Variants in GPM6A observed in about 807,000 individuals in gnomAD.
The protein encoded by GPM6A is neuronal membrane glycoprotein M6-a.
A neutral mutation model predicts 32.1 loss-of-function variants in GPM6A; 7 were observed. The ratio of observed to expected loss-of-function variants is 0.22; its 90% CI spans 0.12 to 0.41. The LOEUF (loss-of-function observed/expected upper bound fraction) is 0.41, where lower values mean the gene tolerates loss of function less well. Among genes scored for constraint, GPM6A ranks in the 10% least tolerant of loss-of-function variants. The probability of loss-of-function intolerance (pLI) is 1.00; values close to 1 mark genes in which losing one functional copy is unlikely to be tolerated. For missense variants in GPM6A, 235 were observed against 347.2 expected, an observed-to-expected ratio of 0.68 and a Z score of 2.57; for synonymous variants, 130 against 123.4, an observed-to-expected ratio of 1.05 and a Z score of -0.35.
At chr4:175,845,069 C>T (rs1294830535) in intron 1 of GPM6A, among the ~76,000 whole-genome samples, 1 of 152,000 alleles carries the variant, frequency 6.6e-6, no homozygotes, top group Non-Finnish European at 1.5e-5. Flanking sequence ...TTAATAATTC[C>T]ATTTTCTTGA....
chr4:175,749,819 G>A (rs920142108), intron 1 of GPM6A, among the ~76,000 whole-genome samples: 3 of 152,108 alleles, frequency 2.0e-5, no homozygotes. Flanking sequence ...ACTATTTTAT[G>A]ACAACTTCCC....
At chr4:175,868,535 T>C (rs1028914227) in intron 1 of GPM6A, among the ~76,000 whole-genome samples, 1 of 152,230 alleles carries the variant, frequency 6.6e-6, no homozygotes, top group Admixed American at 6.5e-5. Context: ...TTTCATTCAA[T>C]TTCAAATTGT....
rs140881554 is a variant in GPM6A at position 175,860,560 on chromosome 4, A to T, written c.-22-48311T>A. On this transcript the variant is annotated intron_variant, in intron 1 of 7. Transcript: ENST00000280187. ...AGAAATTGAATCCATAATTTAAAAT[A>T]TTCCAAAAGCAAAGATGAGAGGGAA... Among the ~76,000 whole-genome samples, 736 of 152,318 alleles carry T rather than the reference A, an allele frequency of 4.8e-3. 7 individuals carry two copies. Among genetic ancestry groups the T allele is most frequent in the African/African-American group, 0.017 (705 of 41,584 alleles).
chr4:175,902,842 G>A (rs550491096), intron 1 of GPM6A, among the ~76,000 whole-genome samples: 4 of 152,066 alleles, frequency 2.6e-5, no homozygotes, highest in African/African-American at 9.6e-5. Context: ...GTTTTCCGTG[G>A]CAATGGGAAA....
chr4:175,638,714 A>G (rs1245251647), intron 6 of GPM6A, among the ~76,000 whole-genome samples: 4 of 152,158 alleles, frequency 2.6e-5, no homozygotes, highest in Non-Finnish European at 4.4e-5. Flanking sequence ...ACTTTTTAAA[A>G]GATACCTTCA....
At chr4:175,729,574 T>C (rs1731324072) in intron 1 of GPM6A, among the ~76,000 whole-genome samples, 1 of 151,964 alleles carries the variant, frequency 6.6e-6, no homozygotes, top group South Asian at 2.1e-4. Flanking sequence ...CATTGTTCAT[T>C]TAAAAATAAC....
intron 1 of GPM6A, among the ~76,000 whole-genome samples, chr4:175,831,844 G>A (rs917680289): frequency 6.2e-5 from 9 of 146,036 alleles, no homozygotes; most frequent in South Asian, 2.2e-4. Flanking sequence ...TCAGCCTCCC[G>A]AGTAGCTGGG....
chr4:175,687,310 A>G (rs1232196835), intron 2 of GPM6A, among the ~76,000 whole-genome samples: 1 of 152,116 alleles, frequency 6.6e-6, no homozygotes, highest in Non-Finnish European at 1.5e-5. Flanking sequence ...CTCCACACTC[A>G]TTGAACAGCC....
At chr4:175,785,075 T>C (rs1484248078) in intron 1 of GPM6A, among the ~76,000 whole-genome samples, 2 of 152,188 alleles carry the variant, frequency 1.3e-5, no homozygotes, top group Admixed American at 6.6e-5. Flanking sequence ...GCAAGTACAA[T>C]GTAACAGAAG....
chr4:175,789,059 A>G (rs953101458), intron 1 of GPM6A, among the ~76,000 whole-genome samples: 1 of 152,190 alleles, frequency 6.6e-6, no homozygotes, highest in Non-Finnish European at 1.5e-5. Context: ...GTGCTGTAAA[A>G]AGAGTCTGCA....
chr4:175,867,294 C>T (rs1449890509), intron 1 of GPM6A, among the ~76,000 whole-genome samples: 1 of 152,026 alleles, frequency 6.6e-6, no homozygotes, highest in East Asian at 1.9e-4. Context: ...TCATAAATTG[C>T]GCCTTCAATG....
chr4:175,650,275 TTTA>T (rs1741709733), intron 4 of GPM6A, among the ~76,000 whole-genome samples: 10 of 5,002 alleles, frequency 2.0e-3, no homozygotes, highest in African/African-American at 2.2e-3. Context: ...CATTATTTTA[TTTA>T]TTTATTTATT....
chr4:175,772,144 A>G (rs2111234442), intron 1 of GPM6A, among the ~76,000 whole-genome samples: 1 of 152,314 alleles, frequency 6.6e-6, no homozygotes, highest in South Asian at 2.1e-4. Flanking sequence ...TTCTTATTGT[A>G]AATAGATTTA....
At chr4:175,665,921 C>CTTT (rs774784502) in intron 3 of GPM6A, among the ~76,000 whole-genome samples, 3 of 139,822 alleles carry the variant, frequency 2.1e-5, no homozygotes, top group Non-Finnish European at 3.1e-5. Context: ...GAAAAATGTA[C>CTTT]TTTTTTTTTT....
chr4:175,959,819 T>G (rs1178009138), intron 1 of GPM6A, among the ~76,000 whole-genome samples: 1 of 152,204 alleles, frequency 6.6e-6, no homozygotes, highest in African/African-American at 2.4e-5. Flanking sequence ...CAAAGGGTTA[T>G]AAATAGAGGA....
At chr4:175,969,976 T>C (rs898946023) in intron 1 of GPM6A, among the ~76,000 whole-genome samples, 3 of 152,186 alleles carry the variant, frequency 2.0e-5, no homozygotes, top group African/African-American at 7.2e-5. Flanking sequence ...AATAAAGCAA[T>C]TTAACTACTT....
intron 1 of GPM6A, among the ~76,000 whole-genome samples, chr4:175,820,661 A>G (rs1247694833): frequency 6.6e-6 from 1 of 150,858 alleles, no homozygotes; most frequent in Non-Finnish European, 1.5e-5. Flanking sequence ...CACCACGCCC[A>G]GCTAATTTTT....
intron 2 of GPM6A, among the ~76,000 whole-genome samples, chr4:175,675,791 A>T (rs75016544): frequency 0.012 from 1,799 of 152,186 alleles, 38 homozygotes; most frequent in African/African-American, 0.04. Flanking sequence ...TAGAGACTAG[A>T]GGTGTGCACC....
chr4:175,976,782 G>A (rs1740677451), intron 1 of GPM6A, among the ~76,000 whole-genome samples: 2 of 152,172 alleles, frequency 1.3e-5, no homozygotes, highest in Non-Finnish European at 2.9e-5. Flanking sequence ...CGGTACAAGT[G>A]AGGTAGAACC....
Sources: gnomAD v4.1 joint callset for allele counts (sites outside exome capture counted in the v4.1 genomes callset) on GRCh38, gnomAD v4.1.1 for gene constraint, MANE v1.5 for transcripts, NCBI Gene and HGNC (gene_info 2026-07-23, HGNC 2026-07-21) for gene names.